The following DNAH14 variants were observed in gnomAD, a reference collection of about 807,000 sequenced individuals.
DNAH14 encodes the protein dynein axonemal heavy chain 14, also known as axonemal beta dynein heavy chain 14.
Under a neutral mutation model 520.9 loss-of-function variants are expected in DNAH14, and 478 were observed. The observed-to-expected ratio is 0.92, with a 90% confidence interval of 0.85 to 0.99. DNAH14 has a LOEUF of 0.99. Among genes scored for constraint, DNAH14 ranks in the 50% least tolerant of loss-of-function variants. The pLI is 0.00. For synonymous variants in DNAH14, 1,581 were observed against 1,757.2 expected (o/e 0.90, Z 2.51); for missense variants, 4,831 against 5,234.5 (o/e 0.92, Z 2.38).
chr1:224,949,464 T>C (rs577738433), intron 1 of DNAH14, among the ~76,000 whole-genome samples: 1 of 152,368 alleles, frequency 6.6e-6, no homozygotes, highest in African/African-American at 2.4e-5. Context: ...TCAGTCATTA[T>C]GGTCCCCATT....
intron 39 of DNAH14, among the ~76,000 whole-genome samples, chr1:225,205,619 G>A (rs12758681): frequency 0.13 from 19,437 of 152,038 alleles, 1,394 homozygotes; most frequent in East Asian, 0.31. Flanking sequence ...TTCCCCAAGG[G>A]CAATATATCT....
chr1:225,394,842 T>TA (rs35980785), intron 84 of DNAH14, among the ~76,000 whole-genome samples: 5,241 of 126,594 alleles, frequency 0.041, 134 homozygotes, highest in East Asian at 0.071. Context: ...AGACTCTGTC[T>TA]AAAAAAAAAA....
intron 8 of DNAH14, among the ~76,000 whole-genome samples, chr1:224,994,119 G>T (rs1197493667): frequency 1.3e-5 from 2 of 152,092 alleles, no homozygotes; most frequent in East Asian, 3.9e-4. Context: ...CTCCTGGAGG[G>T]TGTTTTGTGT....
chr1:225,344,887 G>A (rs1434808272), intron 69 of DNAH14, among the ~76,000 whole-genome samples: 1 of 151,974 alleles, frequency 6.6e-6, no homozygotes, highest in Non-Finnish European at 1.5e-5. Context: ...GCTAATTTTT[G>A]TATTTTTAGT....
intron 81 of DNAH14, 125 bp downstream of exon 81, chr1:225,381,704 G>C: frequency 2.5e-6 from 2 of 811,010 alleles, no homozygotes; most frequent in Non-Finnish European, 3.8e-6. Context: ...AGATGCTGAC[G>C]TACTTTTTCA....
chr1:225,370,788 G>A (rs1036974753), intron 77 of DNAH14, among the ~76,000 whole-genome samples: 9 of 151,726 alleles, frequency 5.9e-5, no homozygotes, highest in East Asian at 1.9e-4. Flanking sequence ...ACAAAAAACC[G>A]TAAAAGGAAA....
intron 23 of DNAH14, among the ~76,000 whole-genome samples, chr1:225,101,696 T>A (rs1185383233): frequency 6.6e-6 from 1 of 152,186 alleles, no homozygotes; most frequent in Non-Finnish European, 1.5e-5. Flanking sequence ...GATCTCATTC[T>A]CTTTTATGGC....
At position 225,303,296 on chromosome 1, in the gene DNAH14, T is replaced by A. The variant is rs1338838063; in HGVS notation, c.8772T>A (p.Leu2924=). The change falls in exon 57 of 86, where the codon CTT becomes CTA. Residue 2924 remains leucine (L), a synonymous_variant. Transcript: ENST00000682510. The part of the protein sequence containing the change: ...WYERWPEEAL[L]IVANSFLKEK... ...AGAGGTGGCCAGAAGAAGCTCTCCTTATTGTAGCTAACTCATTCTTAAAAG... is the reference window on the plus strand; with the variant it reads ...AGAGGTGGCCAGAAGAAGCTCTCCTAATTGTAGCTAACTCATTCTTAAAAG... 6.4e-7 allele frequency: 1 copy of A among 1,550,980 alleles called. No individual in the cohort carries two copies. Among genetic ancestry groups the A allele is most frequent in the East Asian group, 2.4e-5 (1 of 40,920 alleles).
intron 3 of DNAH14, among the ~76,000 whole-genome samples, chr1:224,958,599 G>A (rs1380910693): frequency 6.6e-6 from 1 of 152,086 alleles, no homozygotes; most frequent in Non-Finnish European, 1.5e-5. Flanking sequence ...TTCCTGATGA[G>A]CTTAAAAAAT....
chr1:225,192,803 T>A lies in DNAH14; in HGVS notation c.5778T>A (p.Asp1926Glu), dbSNP rs1178769890. The A allele has an allele frequency of 6.5e-7, 1 of 1,550,282 alleles. No homozygotes were observed. Among genetic ancestry groups the A allele is most frequent in the Non-Finnish European group, 8.7e-7 (1 of 1,146,038 alleles). ...QLDPNTMEWT[D>E]GLLSATIRSY... is the part of the protein sequence containing the mutation. Reference sequence around the variant, plus strand: ...ATCCTAATACTATGGAATGGACTGATGGATTATTATCAGCAACAATTCGAA... The same window carrying A: ...ATCCTAATACTATGGAATGGACTGAAGGATTATTATCAGCAACAATTCGAA... Residue 1926 changes from aspartate to glutamate, a missense_variant, in exon 38 of 86, where the codon GAT (aspartate) becomes GAA (glutamate). Asp to Glu is a conservative substitution (Grantham distance 45). Coordinates refer to ENST00000682510, the MANE Select transcript of DNAH14 (RefSeq NM_001367479.1).
Position 225,346,347 on chromosome 1 carries a change from T to C in DNAH14, c.11064T>C (p.Ser3688=). The C allele has an allele frequency of 6.5e-7, 1 of 1,530,014 alleles. No individual in the cohort carries two copies. The highest frequency in any genetic ancestry group is 1.2e-5 in the South Asian group (1 of 80,172). The allele number at this position is 1,530,014 out of a possible 1,614,324, so 94.8% of individuals were successfully genotyped here. ...EKNLLDKHIK[S]AIDMLTKSIF... is the part of the protein sequence containing the mutation. ...ATCTCTTAGATAAGCATATTAAAAGTGCAATAGACATGTTGACAAAAAGTA... is the reference window on the plus strand; with the variant it reads ...ATCTCTTAGATAAGCATATTAAAAGCGCAATAGACATGTTGACAAAAAGTA... Residue 3688 remains serine (S), a synonymous_variant, in exon 70 of 86, where the codon AGT becomes AGC. Coordinates refer to ENST00000682510, the MANE Select transcript of DNAH14 (RefSeq NM_001367479.1).
At chr1:225,055,595 T>G (rs1558806206) in intron 17 of DNAH14, among the ~76,000 whole-genome samples, 2 of 152,138 alleles carry the variant, frequency 1.3e-5, no homozygotes, top group African/African-American at 4.8e-5. Flanking sequence ...TGCAGGTTAG[T>G]TACATATGTA....
At chr1:225,018,178 G>C (rs185009553) in intron 10 of DNAH14, among the ~76,000 whole-genome samples, 1 of 152,144 alleles carries the variant, frequency 6.6e-6, no homozygotes, top group Admixed American at 6.5e-5. Context: ...AACAATCCAA[G>C]AGTTGAAGGA....
At chr1:225,328,306 C>T (rs2094720552) in intron 64 of DNAH14, among the ~76,000 whole-genome samples, 1 of 152,134 alleles carries the variant, frequency 6.6e-6, no homozygotes. Flanking sequence ...ATAACACTGT[C>T]ATTTGTTTTT....
intron 1 of DNAH14, among the ~76,000 whole-genome samples, chr1:224,950,197 G>A (rs539183821): frequency 5.3e-5 from 8 of 151,750 alleles, no homozygotes; most frequent in African/African-American, 1.5e-4. Flanking sequence ...AAGTCCCTTC[G>A]TTGTTTTGAC....
At chr1:225,298,556 G>A (rs1468455305) in intron 55 of DNAH14, among the ~76,000 whole-genome samples, 1 of 152,144 alleles carries the variant, frequency 6.6e-6, no homozygotes, top group Non-Finnish European at 1.5e-5. Context: ...CTGGGGTTGT[G>A]GCATATAGAC....
intron 17 of DNAH14, among the ~76,000 whole-genome samples, chr1:225,057,760 G>C (rs2069340028): frequency 6.6e-6 from 1 of 152,150 alleles, no homozygotes; most frequent in Non-Finnish European, 1.5e-5. Context: ...TTTTGTCAAA[G>C]GCCTTTTCTA....
chr1:225,280,868 T>G (rs2093614004), intron 54 of DNAH14, among the ~76,000 whole-genome samples: 2 of 152,072 alleles, frequency 1.3e-5, no homozygotes, highest in African/African-American at 4.8e-5. Context: ...AGGAAAAACC[T>G]CAAAAATTTT....
chr1:225,057,897 T>G (rs938740540), intron 17 of DNAH14, among the ~76,000 whole-genome samples: 12 of 152,258 alleles, frequency 7.9e-5, no homozygotes, highest in African/African-American at 2.4e-4. Context: ...TCATGGTGGA[T>G]AAGCTTTTTG....
Sources: gnomAD v4.1 joint callset for allele counts (sites outside exome capture counted in the v4.1 genomes callset) on GRCh38, gnomAD v4.1.1 for gene constraint, MANE v1.5 for transcripts, NCBI Gene and HGNC (gene_info 2026-07-23, HGNC 2026-07-21) for gene names.